The following NAA11 variants were observed in gnomAD, a reference collection of about 807,000 sequenced individuals.
The protein encoded by NAA11 is N-alpha-acetyltransferase 11.
In NAA11, 15 loss-of-function variants were observed where a neutral mutation model predicts 16.1. The ratio of observed to expected loss-of-function variants is 0.93; its 90% CI spans 0.62 to 1.44. The LOEUF (loss-of-function observed/expected upper bound fraction) is 1.44. Ranked by LOEUF, NAA11 falls within the 40% of genes most tolerant of loss-of-function variation. The probability of loss-of-function intolerance (pLI) is 0.00; values close to 1 mark genes in which losing one functional copy is unlikely to be tolerated. For missense variants in NAA11, 298 were observed against 291.3 expected, an observed-to-expected ratio of 1.02 and a Z score of -0.17; for synonymous variants, 122 against 112.4, an observed-to-expected ratio of 1.09 and a Z score of -0.54.
the NAA11 span, among the ~76,000 whole-genome samples, chr4:79,156,995 A>G: frequency 6.6e-6 from 1 of 152,222 alleles, no homozygotes; most frequent in Non-Finnish European, 1.5e-5. Context: ...TGTCTAGTGC[A>G]CATTATCCCT....
intron 2 of NAA11, among the ~76,000 whole-genome samples, chr4:79,241,167 C>G (rs1180327477): frequency 6.6e-6 from 1 of 152,108 alleles, no homozygotes; most frequent in Non-Finnish European, 1.5e-5. Flanking sequence ...TCCTCCTCAG[C>G]CTACTCAACA....
At chr4:79,200,937 A>G in the NAA11 span, among the ~76,000 whole-genome samples, 4 of 151,648 alleles carry the variant, frequency 2.6e-5, no homozygotes, top group South Asian at 8.3e-4. Context: ...TAGATGTCTA[A>G]TAAGCCATAT....
chr4:79,205,720 T>C, the NAA11 span, among the ~76,000 whole-genome samples: 126,825 of 151,974 alleles, frequency 0.83, 54,151 homozygotes, highest in Non-Finnish European at 0.92. Flanking sequence ...TCCTAGGATT[T>C]CTTCTAGAAT....
chr4:79,200,347 G>A, the NAA11 span, among the ~76,000 whole-genome samples: 1 of 151,918 alleles, frequency 6.6e-6, no homozygotes, highest in African/African-American at 2.4e-5. Context: ...TGAACAAGAC[G>A]GGGTTGATTT....
At chr4:79,222,708 A>G (rs1721218378), downstream of NAA11, among the ~76,000 whole-genome samples, 2 of 148,282 alleles carry the variant, frequency 1.3e-5, no homozygotes, top group East Asian at 2.0e-4. Flanking sequence ...TGAACAGGCA[A>G]CCTACAAAAT....
intron 1 of NAA11, 118 bp downstream of exon 1, chr4:79,325,057 GT>G: frequency 1.1e-6 from 1 of 883,672 alleles, no homozygotes; most frequent in Non-Finnish European, 1.7e-6. Flanking sequence ...TCACCAGGTG[GT>G]TTTTACCGTA....
At chr4:79,291,716 G>A (rs978020070) in intron 2 of NAA11, among the ~76,000 whole-genome samples, 11 of 151,832 alleles carry the variant, frequency 7.2e-5, no homozygotes, top group South Asian at 2.1e-4. Flanking sequence ...GTGAAACTCC[G>A]TCTCAAAAAA....
intron 2 of NAA11, among the ~76,000 whole-genome samples, chr4:79,274,580 A>G (rs1256946342): frequency 3.3e-5 from 5 of 152,088 alleles, no homozygotes; most frequent in Non-Finnish European, 7.4e-5. Context: ...CCTCCTACCT[A>G]TGTGACCTTG....
At chr4:79,277,873 T>G (rs1165260300) in intron 2 of NAA11, among the ~76,000 whole-genome samples, 1 of 151,966 alleles carries the variant, frequency 6.6e-6, no homozygotes, top group Admixed American at 6.6e-5. Context: ...TCACCATTGT[T>G]CCATCTGTAA....
intron 2 of NAA11, among the ~76,000 whole-genome samples, chr4:79,271,999 T>TAC (rs955211239): frequency 2.2e-4 from 33 of 151,572 alleles, no homozygotes; most frequent in African/African-American, 6.0e-4. Context: ...TATATATGTA[T>TAC]ACACACACAC....
chr4:79,310,823 T>C (rs1397790351), intron 1 of NAA11, among the ~76,000 whole-genome samples: 1 of 152,186 alleles, frequency 6.6e-6, no homozygotes, highest in Non-Finnish European at 1.5e-5. Context: ...TATTGACCGA[T>C]AGATTTAACT....
the NAA11 span, among the ~76,000 whole-genome samples, chr4:79,220,601 TATTA>T: frequency 6.6e-6 from 1 of 152,142 alleles, no homozygotes; most frequent in Non-Finnish European, 1.5e-5. Flanking sequence ...TACCTAATAG[TATTA>T]ATTTGTTTAA....
At chr4:79,299,593 GTATT>G (rs1276601702) in intron 1 of NAA11, 1 of 151,890 alleles carries the variant, frequency 6.6e-6, no homozygotes, top group African/African-American at 2.4e-5. Flanking sequence ...AATTTTTTTG[GTATT>G]TATTATATAT....
intron 2 of NAA11, among the ~76,000 whole-genome samples, chr4:79,278,977 G>T (rs1722728055): frequency 6.6e-6 from 1 of 152,058 alleles, no homozygotes; most frequent in Admixed American, 6.6e-5. Flanking sequence ...GGGCAAGATA[G>T]GGTGAACCTG....
At chr4:79,238,239 T>C (rs1721615295) in intron 2 of NAA11, among the ~76,000 whole-genome samples, 1 of 152,224 alleles carries the variant, frequency 6.6e-6, no homozygotes, top group African/African-American at 2.4e-5. Flanking sequence ...GGACCTATTA[T>C]TTTAGCTGTT....
intron 1 of NAA11, among the ~76,000 whole-genome samples, chr4:79,319,370 T>C (rs1560475973): frequency 6.6e-6 from 1 of 151,698 alleles, no homozygotes. Flanking sequence ...GGCTTTACTT[T>C]AAAAAAAAAT....
chr4:79,209,350 C>T, the NAA11 span, among the ~76,000 whole-genome samples: 9 of 152,112 alleles, frequency 5.9e-5, no homozygotes, highest in African/African-American at 1.9e-4. Flanking sequence ...CTTATAAATT[C>T]CTAAACAAGA....
chr4:79,258,215 C>T (rs995532075), intron 2 of NAA11, among the ~76,000 whole-genome samples: 1 of 152,230 alleles, frequency 6.6e-6, no homozygotes, highest in Admixed American at 6.5e-5. Context: ...CTGGACATAG[C>T]TGCAGCCTTC....
chr4:79,249,403 A>T (rs182713179), intron 2 of NAA11, among the ~76,000 whole-genome samples: 6 of 152,336 alleles, frequency 3.9e-5, no homozygotes, highest in African/African-American at 1.4e-4. Flanking sequence ...TGAACAAATG[A>T]CCATTACAAG....
Sources: gnomAD v4.1 joint callset for allele counts (sites outside exome capture counted in the v4.1 genomes callset) on GRCh38, gnomAD v4.1.1 for gene constraint, MANE v1.5 for transcripts, NCBI Gene and HGNC (gene_info 2026-07-23, HGNC 2026-07-21) for gene names.